STK32B: variants seen among roughly 807,000 people sequenced by gnomAD.
STK32B encodes serine/threonine-protein kinase 32B.
Under a neutral mutation model 52.6 loss-of-function variants are expected in STK32B, and 43 were observed. The observed-to-expected ratio is 0.82, with a 90% CI of 0.64 to 1.05. STK32B has a LOEUF of 1.05. Among genes scored for constraint, STK32B ranks in the 50% least tolerant of loss-of-function variants. STK32B has a pLI of 0.00. For missense variants in STK32B, 621 were observed against 534.6 expected (o/e 1.16, Z -1.59); for synonymous variants, 238 against 204.3 (o/e 1.17, Z -1.41).
chr4:5,444,326 G>A (rs546452243), intron 6 of STK32B, among the ~76,000 whole-genome samples: 19 of 152,344 alleles, frequency 1.2e-4, no homozygotes, highest in Non-Finnish European at 2.5e-4. Flanking sequence ...TAAGCCCGTC[G>A]GAAAAGCGCA....
chr4:5,313,230 A>G (rs1008135032), intron 3 of STK32B, among the ~76,000 whole-genome samples: 1 of 151,996 alleles, frequency 6.6e-6, no homozygotes, highest in Non-Finnish European at 1.5e-5. Context: ...CTAGTTCGAT[A>G]TTTTTAAGGC....
chr4:5,490,063 A>C (rs1719582867), intron 11 of STK32B, among the ~76,000 whole-genome samples: 1 of 152,046 alleles, frequency 6.6e-6, no homozygotes, highest in African/African-American at 2.4e-5. Context: ...TTTTGAAAAA[A>C]ATGAGATAAG....
chr4:5,328,657 T>A (rs1011575915), intron 3 of STK32B, among the ~76,000 whole-genome samples: 1 of 152,178 alleles, frequency 6.6e-6, no homozygotes. Context: ...ATAGGAGATA[T>A]AATAATGTTT....
At chr4:5,117,425 C>A (rs1172778017) in intron 1 of STK32B, among the ~76,000 whole-genome samples, 2 of 151,922 alleles carry the variant, frequency 1.3e-5, no homozygotes, top group Admixed American at 1.3e-4. Context: ...CACTGAATTA[C>A]ATTTATTTAA....
intron 4 of STK32B, among the ~76,000 whole-genome samples, chr4:5,388,170 A>G (rs1454810660): frequency 2.6e-5 from 4 of 152,332 alleles, no homozygotes; most frequent in South Asian, 2.1e-4. Flanking sequence ...TAAATAAATC[A>G]CAGTATGGGA....
chr4:5,047,228 T>C (rs994962586), upstream of STK32B, among the ~76,000 whole-genome samples: 4 of 151,658 alleles, frequency 2.6e-5, no homozygotes, highest in African/African-American at 7.3e-5. Context: ...CTCAGCAAAC[T>C]AACACAGAAA....
At chr4:5,064,125 G>T (rs1742318707) in intron 1 of STK32B, among the ~76,000 whole-genome samples, 1 of 151,242 alleles carries the variant, frequency 6.6e-6, no homozygotes, top group Non-Finnish European at 1.5e-5. Flanking sequence ...GATATCTGTT[G>T]ACATCATAAA....
At chr4:5,089,832 C>T (rs77260716) in intron 1 of STK32B, among the ~76,000 whole-genome samples, 7 of 152,236 alleles carry the variant, frequency 4.6e-5, no homozygotes, top group African/African-American at 1.2e-4. Context: ...AGTGTAAAAG[C>T]GTTCGTATTT....
intron 2 of STK32B, among the ~76,000 whole-genome samples, chr4:5,153,057 G>C (rs1470079367): frequency 6.6e-6 from 1 of 152,180 alleles, no homozygotes; most frequent in Non-Finnish European, 1.5e-5. Context: ...TCCTGGAGAG[G>C]ACCCCACTGC....
In STK32B at chr4:5,378,107, T is replaced by G. The variant is rs1735696356; in HGVS notation, c.435-20100T>G. ...CCAAGTTGAGACATTCTTCCTGACATAATTAGGAAAATTAAAAAGAACTGA... is the reference window on the plus strand; with the variant it reads ...CCAAGTTGAGACATTCTTCCTGACAGAATTAGGAAAATTAAAAAGAACTGA... On this transcript the variant is annotated intron_variant, in intron 4 of 11. Coordinates refer to ENST00000282908, the MANE Select transcript of STK32B (RefSeq NM_018401.3). The surrounding 1 kb of genome is among the most constrained non-coding windows in gnomAD (Gnocchi z 4.4). 6.6e-6 allele frequency among the ~76,000 whole-genome samples: 1 copy of G among 152,240 alleles called. No homozygotes were observed. Among genetic ancestry groups the G allele is most frequent in the Non-Finnish European group, 1.5e-5 (1 of 68,042 alleles).
intron 11 of STK32B, among the ~76,000 whole-genome samples, chr4:5,495,548 G>C (rs889036995): frequency 2.0e-5 from 3 of 152,214 alleles, no homozygotes; most frequent in African/African-American, 7.2e-5. Flanking sequence ...GCAGTAGCTT[G>C]ATCGTCTGAA....
At position 5,457,025 on chromosome 4, in the gene STK32B, G is replaced by T. The variant is rs1716590758; in HGVS notation, c.783+102G>T. 11 of 808,464 alleles carry T rather than the reference G, an allele frequency of 1.4e-5. No individual in the cohort carries two copies. The South Asian group carries it at 2.7e-4, about 20-fold the overall frequency. The allele number at this position is 808,464 out of a possible 1,614,324, so 50.1% of individuals were successfully genotyped here. ...GGTGAGAATACAAATGGCATACTCG[G>T]GGTAGAGATGATCAAATCAGCTGCG... is the stretch of plus-strand genomic sequence containing the variant. On this transcript the variant is annotated intron_variant, in intron 8 of 11. Coordinates refer to ENST00000282908, the MANE Select transcript of STK32B (RefSeq NM_018401.3).
intron 1 of STK32B, 26 bp from the exon 2 acceptor site, chr4:5,139,879 G>A (rs1037275783): frequency 1.9e-6 from 3 of 1,613,890 alleles, no homozygotes; most frequent in African/African-American, 2.7e-5. Flanking sequence ...AATCTGACTT[G>A]TTTCCTTTTT....
At chr4:5,071,226 T>C (rs1053109496) in intron 1 of STK32B, among the ~76,000 whole-genome samples, 1 of 152,044 alleles carries the variant, frequency 6.6e-6, no homozygotes, top group Non-Finnish European at 1.5e-5. Context: ...GGGGAAGAAA[T>C]TGGTCGCCAG....
chr4:5,172,899 T>C lies in STK32B; in HGVS notation c.260+4449T>C, dbSNP rs193096157. ...AGAAGGAATGGTACCAGTTCCTCCT[T>C]GTACCTCTAGTAGAATTCGGCTGTG... On this transcript the variant is annotated intron_variant, in intron 3 of 11. Transcript: ENST00000282908. Among the ~76,000 whole-genome samples, 370 of 152,344 alleles carry C rather than the reference T, an allele frequency of 2.4e-3. 6 individuals are homozygous for C. In the East Asian group the frequency reaches 0.053, roughly 22 times the overall value.
chr4:5,251,771 C>T (rs1231867649), intron 3 of STK32B, among the ~76,000 whole-genome samples: 8 of 152,132 alleles, frequency 5.3e-5, no homozygotes, highest in Admixed American at 1.3e-4. Flanking sequence ...TTGTAATTCA[C>T]GTTACACAGA....
intron 11 of STK32B, among the ~76,000 whole-genome samples, chr4:5,496,938 TTAGAGAACGA>T (rs1047569275): frequency 2.6e-5 from 4 of 152,136 alleles, no homozygotes; most frequent in African/African-American, 9.7e-5. Flanking sequence ...AGGGTTTAGC[TTAGAGAACGA>T]TAAAGAAAAG....
chr4:5,353,788 G>T (rs1280039446), intron 4 of STK32B, among the ~76,000 whole-genome samples: 1 of 152,136 alleles, frequency 6.6e-6, no homozygotes, highest in African/African-American at 2.4e-5. Flanking sequence ...ATACACTGTT[G>T]GTGGGAATGT....
intron 2 of STK32B, among the ~76,000 whole-genome samples, chr4:5,149,751 A>G (rs768100069): frequency 3.3e-5 from 5 of 151,732 alleles, no homozygotes; most frequent in Non-Finnish European, 7.4e-5. Context: ...GAAATAATGA[A>G]TATATTGCTA....
Sources: gnomAD v4.1 joint callset for allele counts (sites outside exome capture counted in the v4.1 genomes callset) on GRCh38, gnomAD v4.1.1 for gene constraint, Gnocchi (gnomAD v3.1) non-coding constraint, MANE v1.5 for transcripts, NCBI Gene and HGNC (gene_info 2026-07-23, HGNC 2026-07-21) for gene names.